The following WWOX variants were observed in gnomAD, a reference collection of about 807,000 sequenced individuals.
WWOX encodes WW domain-containing oxidoreductase.
A neutral mutation model predicts 46.2 loss-of-function variants in WWOX; 69 were observed. That is an observed-to-expected ratio of 1.49 (90% CI 1.23 to 1.82). The LOEUF (loss-of-function observed/expected upper bound fraction) is 1.82, where lower values mean the gene tolerates loss of function less well. WWOX is among the 40% of genes most tolerant of loss of function. The pLI, the probability that WWOX is intolerant of heterozygous loss-of-function variation, is 0.00. For synonymous variants in WWOX, 359 were observed against 202.6 expected, an observed-to-expected ratio of 1.77 and a Z score of -6.56; for missense variants, 919 against 542.6, an observed-to-expected ratio of 1.69 and a Z score of -6.89.
At chr16:79,021,787 G>T (rs371758980) in intron 8 of WWOX, among the ~76,000 whole-genome samples, 3 of 152,170 alleles carry the variant, frequency 2.0e-5, no homozygotes, top group African/African-American at 4.8e-5. Flanking sequence ...TAGGGTTCCA[G>T]CCACAGACCC....
intron 5 of WWOX, among the ~76,000 whole-genome samples, chr16:78,209,469 A>G (rs2036492218): frequency 6.6e-6 from 1 of 152,242 alleles, no homozygotes; most frequent in Non-Finnish European, 1.5e-5. Context: ...ATGTTTCAAT[A>G]TAAGAAATTG....
chr16:78,340,581 C>T (rs1567512177), intron 5 of WWOX, among the ~76,000 whole-genome samples: 1 of 120,828 alleles, frequency 8.3e-6, no homozygotes, highest in Non-Finnish European at 2.0e-5. Context: ...TTCAAAGTTA[C>T]TGCTGCCAAC....
chr16:79,183,005 C>T (rs1336078935), intron 8 of WWOX, among the ~76,000 whole-genome samples: 1 of 152,118 alleles, frequency 6.6e-6, no homozygotes, highest in African/African-American at 2.4e-5. Flanking sequence ...TAGTGGTGGC[C>T]CTCGTCTGAC....
At chr16:78,624,959 C>T (rs912282870) in intron 8 of WWOX, among the ~76,000 whole-genome samples, 2 of 152,214 alleles carry the variant, frequency 1.3e-5, no homozygotes, top group East Asian at 1.9e-4. Flanking sequence ...AACATCATGG[C>T]CCCCTTCATA....
chr16:78,927,663 A>G (rs182245412), intron 8 of WWOX, among the ~76,000 whole-genome samples: 162 of 152,320 alleles, frequency 1.1e-3, no homozygotes, highest in African/African-American at 3.7e-3. Context: ...GAAGGTAATT[A>G]AGGCATAATT....
chr16:79,112,970 T>A (rs1439365948), intron 8 of WWOX, among the ~76,000 whole-genome samples: 1 of 152,204 alleles, frequency 6.6e-6, no homozygotes, highest in African/African-American at 2.4e-5. Context: ...GTGCTTTGGT[T>A]CATTTTCTTG....
At chr16:78,964,861 A>G (rs1457105335) in intron 8 of WWOX, among the ~76,000 whole-genome samples, 1 of 152,194 alleles carries the variant, frequency 6.6e-6, no homozygotes, top group Non-Finnish European at 1.5e-5. Context: ...CACTCCAGTC[A>G]TGGCTGAAAG....
At chr16:78,888,801 G>C (rs1025793717) in intron 8 of WWOX, among the ~76,000 whole-genome samples, 1 of 138,718 alleles carries the variant, frequency 7.2e-6, no homozygotes, top group African/African-American at 2.5e-5. Flanking sequence ...AGTTCTAAGA[G>C]GATATTGATT....
chr16:79,032,194 A>G (rs900725398), intron 8 of WWOX, among the ~76,000 whole-genome samples: 2 of 146,108 alleles, frequency 1.4e-5, no homozygotes, highest in African/African-American at 5.0e-5. Flanking sequence ...CCCACCAAAT[A>G]TTTATATATA....
chr16:78,651,274 G>A (rs1159670510), intron 8 of WWOX, among the ~76,000 whole-genome samples: 2 of 152,238 alleles, frequency 1.3e-5, no homozygotes, highest in Non-Finnish European at 2.9e-5. Context: ...GAGAGAGAGC[G>A]AGTGAGTGCG....
intron 8 of WWOX, among the ~76,000 whole-genome samples, chr16:78,690,816 C>T (rs1402333802): frequency 2.0e-5 from 3 of 152,100 alleles, no homozygotes; most frequent in Non-Finnish European, 2.9e-5. Context: ...ATGGCATATG[C>T]GTATGTTTCA....
At chr16:79,047,791 T>C (rs1245085700) in intron 8 of WWOX, among the ~76,000 whole-genome samples, 1 of 150,826 alleles carries the variant, frequency 6.6e-6, no homozygotes, top group Non-Finnish European at 1.5e-5. Flanking sequence ...GGTTGCGATC[T>C]GATGACTGGC....
chr16:78,838,473 A>C lies in WWOX; in HGVS notation c.1057-373135A>C, dbSNP rs550111533. On this transcript the variant is annotated intron_variant, in intron 8 of 8. Coordinates refer to ENST00000566780, the MANE Select transcript of WWOX (RefSeq NM_016373.4). ...CTGCAAATGTACTATAAAAGAGTGA[A>C]AAAGCCAATCCCAAAAGATTACATT... 6.6e-4 allele frequency among the ~76,000 whole-genome samples: 100 copies of C among 152,224 alleles called. 1 individual carries two copies. Among genetic ancestry groups the C allele is most frequent in the Non-Finnish European group, 1.1e-3 (76 of 68,028 alleles).
At chr16:78,360,075 C>T (rs2081377665) in intron 5 of WWOX, among the ~76,000 whole-genome samples, 1 of 152,084 alleles carries the variant, frequency 6.6e-6, no homozygotes, top group Admixed American at 6.5e-5. Flanking sequence ...TTAAGCTTGT[C>T]AAAAAGATTT....
At chr16:78,887,570 T>A (rs573622893) in intron 8 of WWOX, among the ~76,000 whole-genome samples, 1 of 151,884 alleles carries the variant, frequency 6.6e-6, no homozygotes, top group African/African-American at 2.4e-5. Flanking sequence ...TGAATCATTT[T>A]CTTCGGGAGT....
chr16:78,646,520 C>T (rs755193076), intron 8 of WWOX, among the ~76,000 whole-genome samples: 5 of 152,030 alleles, frequency 3.3e-5, no homozygotes, highest in East Asian at 1.9e-4. Context: ...CCCTGTCTCC[C>T]GGATTCAAGC....
chr16:78,402,644 C>A (rs114939788), intron 6 of WWOX, among the ~76,000 whole-genome samples: 3,493 of 152,174 alleles, frequency 0.023, 113 homozygotes, highest in African/African-American at 0.081. Flanking sequence ...AAGCATTTTT[C>A]CTGGGGAGAA....
At chr16:78,453,128 A>C (rs2083731823) in intron 8 of WWOX, among the ~76,000 whole-genome samples, 1 of 152,056 alleles carries the variant, frequency 6.6e-6, no homozygotes, top group South Asian at 2.1e-4. Context: ...GTATTTGTAA[A>C]AAATTTATTC....
intron 8 of WWOX, among the ~76,000 whole-genome samples, chr16:79,193,369 G>T (rs1406051122): frequency 6.6e-6 from 1 of 152,250 alleles, no homozygotes; most frequent in Non-Finnish European, 1.5e-5. Flanking sequence ...TTCAGTCGAT[G>T]TAGGGCATCT....
Sources: gnomAD v4.1 joint callset for allele counts (sites outside exome capture counted in the v4.1 genomes callset) on GRCh38, gnomAD v4.1.1 for gene constraint, MANE v1.5 for transcripts, NCBI Gene and HGNC (gene_info 2026-07-23, HGNC 2026-07-21) for gene names.